The following RMDN2 variants were observed in gnomAD, a reference collection of about 807,000 sequenced individuals.
RMDN2 encodes regulator of microtubule dynamics protein 2.
RMDN2 carries 61 observed loss-of-function variants against 52.8 expected under a neutral mutation model. That is an observed-to-expected ratio of 1.16 (90% CI 0.94 to 1.43). RMDN2 has a LOEUF of 1.43. Among genes scored for constraint, RMDN2 ranks in the 40% most tolerant of loss-of-function variants. The pLI is 0.00. For synonymous variants in RMDN2, 180 were observed against 153.1 expected (o/e 1.18, Z -1.30); for missense variants, 592 against 475.3 (o/e 1.25, Z -2.28).
chr2:38,011,841 G>C (rs937336981), intron 10 of RMDN2, among the ~76,000 whole-genome samples: 3 of 152,164 alleles, frequency 2.0e-5, no homozygotes, highest in African/African-American at 4.8e-5. Flanking sequence ...TTTGCCTGGA[G>C]CAAAAGGAAT....
chr2:38,044,751 A>G (rs929609322), intron 10 of RMDN2, among the ~76,000 whole-genome samples: 1 of 151,994 alleles, frequency 6.6e-6, no homozygotes, highest in African/African-American at 2.4e-5. Context: ...GATTCTTTTT[A>G]GGGTTTCCAG....
At chr2:37,954,519 T>C (rs1191488638) in intron 2 of RMDN2, among the ~76,000 whole-genome samples, 4 of 152,114 alleles carry the variant, frequency 2.6e-5, no homozygotes, top group Non-Finnish European at 2.9e-5. Flanking sequence ...ATATGTGTGG[T>C]TGACTTCTGG....
chr2:37,988,396 C>G (rs4670804), intron 5 of RMDN2, among the ~76,000 whole-genome samples: 128,157 of 152,082 alleles, frequency 0.84, 54,397 homozygotes, highest in African/African-American at 0.93. Context: ...GTTTTTAGTA[C>G]GTTGATATGG....
rs1370658625 is a variant in RMDN2 at position 38,062,775 on chromosome 2, C to CA, written c.1714-4207_1714-4206insA. On this transcript the variant is annotated intron_variant, in intron 10 of 10. Transcript: ENST00000234195. ...AATGCTATCCCTCCCCCCTTCCCCC[C>CA]CCCCACAACAGTCCCCAGTGTGTGA... Among the ~76,000 whole-genome samples, 3 of 120,394 alleles carry CA rather than the reference C, an allele frequency of 2.5e-5. 1 individual carries two copies. The highest frequency in any genetic ancestry group is 3.9e-4 in the South Asian group (1 of 2,566). The allele number at this position is 120,394 out of a possible 152,430, so 79.0% of individuals were successfully genotyped here.
intron 2 of RMDN2, among the ~76,000 whole-genome samples, chr2:37,965,030 A>G (rs1051326629): frequency 2.8e-4 from 42 of 152,204 alleles, no homozygotes; most frequent in Admixed American, 1.3e-3. Flanking sequence ...TATTTTGTCT[A>G]CTAGTATAGC....
chr2:38,064,462 C>A (rs112476465), intron 10 of RMDN2, among the ~76,000 whole-genome samples: 234 of 151,854 alleles, frequency 1.5e-3, no homozygotes, highest in African/African-American at 5.3e-3. Context: ...GGCACTCCAG[C>A]CTGGGTGACA....
Position 37,929,664 on chromosome 2 carries a change from A to C in RMDN2, c.387A>C (p.Arg129Ser). Residue 129 changes from arginine to serine, a missense_variant, in exon 2 of 11, where the codon AGA (arginine) becomes AGC (serine). Transcript: ENST00000354545. ...GCCCTCAGCACAGAGCGAGAAAAAG[A>C]AGACTCCCCACAATTCAAAGTTCAG... ...KISPQHRARK[R>S]RLPTIQSSAT... 6.5e-7 allele frequency: 1 copy of C among 1,540,286 alleles called. No individual in the cohort carries two copies. The highest frequency in any genetic ancestry group is 8.7e-7 in the Non-Finnish European group (1 of 1,144,346).
intron 1 of RMDN2, among the ~76,000 whole-genome samples, chr2:37,925,719 C>T (rs947864310): frequency 1.3e-5 from 2 of 152,240 alleles, no homozygotes; most frequent in Non-Finnish European, 2.9e-5. Flanking sequence ...GCGTGGGGAA[C>T]AGGCAGTTTG....
chr2:37,939,707 C>G (rs994406438), intron 2 of RMDN2, among the ~76,000 whole-genome samples: 2 of 152,128 alleles, frequency 1.3e-5, no homozygotes, highest in African/African-American at 2.4e-5. Context: ...ACTAGTATTG[C>G]AAACCCTGCT....
At chr2:37,999,088 G>A (rs1158167743) in intron 8 of RMDN2, among the ~76,000 whole-genome samples, 3 of 152,148 alleles carry the variant, frequency 2.0e-5, no homozygotes, top group Non-Finnish European at 4.4e-5. Flanking sequence ...TGAGGAGCAG[G>A]TTTTCAGAAC....
At chr2:37,948,569 AC>A (rs1668421192) in intron 2 of RMDN2, among the ~76,000 whole-genome samples, 1 of 152,168 alleles carries the variant, frequency 6.6e-6, no homozygotes, top group African/African-American at 2.4e-5. Flanking sequence ...ATAAGGGGTT[AC>A]TATTTGCTTT....
chr2:37,934,596 G>T (rs1667133600), intron 2 of RMDN2, among the ~76,000 whole-genome samples: 2 of 151,918 alleles, frequency 1.3e-5, no homozygotes, highest in South Asian at 4.2e-4. Context: ...AATCAGCTAT[G>T]CTGTGGCAGC....
At chr2:37,989,755 G>A in intron 6 of RMDN2, 139 bp downstream of exon 6, 4 of 531,022 alleles carry the variant, frequency 7.5e-6, no homozygotes, top group Admixed American at 3.6e-5. Context: ...TTAAGCTCTG[G>A]GAATTTGCTT....
At chr2:37,962,859 C>T (rs910375935) in intron 2 of RMDN2, among the ~76,000 whole-genome samples, 2 of 152,072 alleles carry the variant, frequency 1.3e-5, no homozygotes, top group Admixed American at 6.5e-5. Flanking sequence ...TCGCGGTCTG[C>T]GGGTTGCAAA....
At chr2:37,966,187 C>T (rs961465418) in intron 2 of RMDN2, among the ~76,000 whole-genome samples, 9 of 151,948 alleles carry the variant, frequency 5.9e-5, no homozygotes, top group Admixed American at 1.3e-4. Flanking sequence ...TTTGGGAGGC[C>T]GAGGCAGGTG....
At chr2:37,934,305 C>T (rs1474008715) in intron 2 of RMDN2, among the ~76,000 whole-genome samples, 1 of 152,182 alleles carries the variant, frequency 6.6e-6, no homozygotes, top group African/African-American at 2.4e-5. Flanking sequence ...ATTAGAATCT[C>T]TTGTATTCTG....
exon 11 of RMDN2, chr2:38,067,067 T>G: frequency 2.9e-6 from 4 of 1,402,798 alleles, no homozygotes; most frequent in Non-Finnish European, 4.0e-6. Flanking sequence ...TGGAGAGTCA[T>G]GACCTAGGCC....
chr2:37,995,375 A>T (rs1355302527), intron 7 of RMDN2, among the ~76,000 whole-genome samples: 3 of 141,610 alleles, frequency 2.1e-5, no homozygotes, highest in Non-Finnish European at 4.8e-5. Context: ...ACACACACAC[A>T]CTCATAAATT....
chr2:37,946,330 C>T (rs546673633), intron 2 of RMDN2, among the ~76,000 whole-genome samples: 1 of 152,070 alleles, frequency 6.6e-6, no homozygotes, highest in East Asian at 1.9e-4. Context: ...GACTGTAGGC[C>T]ATCTTTTAGG....
Sources: gnomAD v4.1 joint callset for allele counts (sites outside exome capture counted in the v4.1 genomes callset) on GRCh38, gnomAD v4.1.1 for gene constraint, MANE v1.5 for transcripts, NCBI Gene and HGNC (gene_info 2026-07-23, HGNC 2026-07-21) for gene names.